The following ADGRL3 variants were observed in gnomAD, a reference collection of about 807,000 sequenced individuals.
The protein encoded by ADGRL3 is calcium-independent alpha-latrotoxin receptor 3.
ADGRL3 carries 62 observed loss-of-function variants against 153.5 expected under a neutral mutation model. That is an observed-to-expected ratio of 0.40 (90% CI 0.33 to 0.50). The LOEUF is 0.50. Ranked by LOEUF, ADGRL3 falls within the 20% of genes least tolerant of loss-of-function variation. ADGRL3 has a pLI of 0.47. For synonymous variants in ADGRL3, 710 were observed against 672.5 expected (o/e 1.06, Z -0.86); for missense variants, 1,641 against 1,859.4 (o/e 0.88, Z 2.16).
At chr4:61,760,569 G>A (rs2096899701) in intron 8 of ADGRL3, among the ~76,000 whole-genome samples, 1 of 152,202 alleles carries the variant, frequency 6.6e-6, no homozygotes, top group African/African-American at 2.4e-5. Flanking sequence ...CCCTTTCTTT[G>A]ACTAGGAAAG....
At chr4:61,823,521 A>G (rs2097774026) in intron 9 of ADGRL3, among the ~76,000 whole-genome samples, 1 of 152,162 alleles carries the variant, frequency 6.6e-6, no homozygotes, top group African/African-American at 2.4e-5. Flanking sequence ...TATTCTAAGC[A>G]CTTGACATGG....
At chr4:61,513,864 C>T (rs1181727426) in intron 3 of ADGRL3, among the ~76,000 whole-genome samples, 2 of 152,082 alleles carry the variant, frequency 1.3e-5, no homozygotes, top group Non-Finnish European at 2.9e-5. Context: ...AGCTTCCTGC[C>T]TCAGAGCCAA....
At chr4:61,912,862 A>G (rs2098728127) in intron 13 of ADGRL3, 105 bp downstream of exon 13, 7 of 1,084,824 alleles carry the variant, frequency 6.5e-6, no homozygotes, top group East Asian at 4.8e-5. Context: ...TACTGAAATA[A>G]AGGAATTTCA....
At chr4:61,740,289 AAAT>A (rs2096567239) in intron 8 of ADGRL3, among the ~76,000 whole-genome samples, 1 of 152,212 alleles carries the variant, frequency 6.6e-6, no homozygotes, top group Admixed American at 6.5e-5. Context: ...TAAAATGTTC[AAAT>A]AATACTCAGC....
At chr4:61,636,822 A>G (rs2093443215) in intron 5 of ADGRL3, among the ~76,000 whole-genome samples, 2 of 151,200 alleles carry the variant, frequency 1.3e-5, no homozygotes, top group Non-Finnish European at 3.0e-5. Flanking sequence ...TATATAATAA[A>G]TATACATATA....
intron 4 of ADGRL3, among the ~76,000 whole-genome samples, chr4:61,531,303 G>A (rs567516599): frequency 1.3e-5 from 2 of 152,158 alleles, no homozygotes; most frequent in South Asian, 4.2e-4. Context: ...TTCTGTTTTC[G>A]CCTAGTCTAA....
In ADGRL3 at chr4:61,517,476, G is replaced by A. The variant is rs756376964; in HGVS notation, c.217G>A (p.Val73Ile). ...AGGGCCCCGTGGAGCTACCAGAGGA[G>A]TTCGCGGTCCAGGTGCCCAAGGAGC... ...GQGPRGATRG[V>I]RGPGAQGAQI... Residue 73 changes from valine (V) to isoleucine (I), a missense_variant, in exon 4 of 27, where the codon GTT (valine) becomes ATT (isoleucine). Physicochemically the swap from Val to Ile is conservative, Grantham distance 29 (BLOSUM62 3). Transcript: ENST00000683033. 1.3e-6 allele frequency: 1 copy of A among 745,502 alleles called. No individual in the cohort carries two copies. The highest frequency in any genetic ancestry group is 1.5e-5 in the South Asian group (1 of 68,308). 46.2% of individuals were successfully genotyped at this position (745,502 alleles called of 1,614,324 possible). A position where few individuals can be genotyped will look rare whatever the true frequency, so the allele number is the denominator to read the frequency against.
intron 4 of ADGRL3, among the ~76,000 whole-genome samples, chr4:61,573,002 A>G (rs1339684346): frequency 2.0e-5 from 3 of 151,960 alleles, no homozygotes; most frequent in Non-Finnish European, 4.4e-5. Context: ...CACTTGTAAA[A>G]TAAGATTTAT....
At chr4:62,056,075 C>T (rs1170856302) in intron 25 of ADGRL3, among the ~76,000 whole-genome samples, 1 of 151,484 alleles carries the variant, frequency 6.6e-6, no homozygotes, top group Non-Finnish European at 1.5e-5. Context: ...TTGAAAATCA[C>T]AGATTTAAAT....
At chr4:61,547,921 T>A (rs1263999394) in intron 4 of ADGRL3, among the ~76,000 whole-genome samples, 1 of 152,156 alleles carries the variant, frequency 6.6e-6, no homozygotes, top group Non-Finnish European at 1.5e-5. Flanking sequence ...CATGTGTTAT[T>A]TTTTGACTTT....
At chr4:61,695,762 TTAGTG>T (rs2095631496) in intron 6 of ADGRL3, among the ~76,000 whole-genome samples, 1 of 152,196 alleles carries the variant, frequency 6.6e-6, no homozygotes, top group African/African-American at 2.4e-5. Flanking sequence ...AATTGGTTTT[TTAGTG>T]TAGTGTAGCG....
At chr4:61,578,456 AC>A (rs2098904710) in intron 4 of ADGRL3, among the ~76,000 whole-genome samples, 1 of 152,028 alleles carries the variant, frequency 6.6e-6, no homozygotes, top group Non-Finnish European at 1.5e-5. Flanking sequence ...CTTTCCTTTA[AC>A]CCTAATCTGT....
At chr4:61,471,785 C>T (rs1304014777) in intron 2 of ADGRL3, among the ~76,000 whole-genome samples, 5 of 151,902 alleles carry the variant, frequency 3.3e-5, no homozygotes, top group South Asian at 2.1e-4. Context: ...CAGAAATGGT[C>T]GATTAAGGTA....
chr4:62,005,950 A>G (rs907041583), intron 21 of ADGRL3, among the ~76,000 whole-genome samples: 3 of 134,806 alleles, frequency 2.2e-5, no homozygotes, highest in South Asian at 4.9e-4. Context: ...ATATATATAC[A>G]TACATATATA....
intron 9 of ADGRL3, among the ~76,000 whole-genome samples, chr4:61,831,313 C>T (rs2097865056): frequency 6.7e-6 from 1 of 148,430 alleles, no homozygotes; most frequent in Non-Finnish European, 1.5e-5. Flanking sequence ...TCATTAACTT[C>T]TCTGCCAGGC....
In ADGRL3 at chr4:61,935,995, G is replaced by T. The variant is rs767933352; in HGVS notation, c.2369G>T (p.Gly790Val). ...DLKFPENMGHGSTIQLSANTL... is the reference protein window; with the variant it reads ...DLKFPENMGHVSTIQLSANTL... ...AAATTTCCAGAAAACATGGGCCATG[G>T]AAGCACTATCCAGCTGTCTGCAAAT... Residue 790 changes from glycine (G) to valine (V), a missense_variant, in exon 15 of 27, where the codon GGA becomes GTA. Gly to Val is a moderately radical substitution (Grantham distance 109). Around this residue, in one of 5 missense-constraint regions of ADGRL3, gnomAD observed 734 missense variants for 797.0 expected, o/e 0.92. Transcript: ENST00000683033. 108 of 1,609,300 alleles carry T rather than the reference G, an allele frequency of 6.7e-5. No individual in the cohort carries two copies. Among genetic ancestry groups the T allele is most frequent in the Non-Finnish European group, 8.7e-5 (103 of 1,177,722 alleles).
At chr4:62,014,040 G>A (rs2099200032) in intron 21 of ADGRL3, among the ~76,000 whole-genome samples, 1 of 152,046 alleles carries the variant, frequency 6.6e-6, no homozygotes, top group South Asian at 2.1e-4. Flanking sequence ...GGTCATGGGG[G>A]AAGGTATGAA....
chr4:61,495,203 T>C (rs1424340374), intron 2 of ADGRL3, among the ~76,000 whole-genome samples: 5 of 152,176 alleles, frequency 3.3e-5, no homozygotes, highest in African/African-American at 1.2e-4. Context: ...ATGCGTGCTC[T>C]TAACTACCAT....
At chr4:61,378,756 G>A (rs1166409819) in intron 1 of ADGRL3, among the ~76,000 whole-genome samples, 3 of 151,934 alleles carry the variant, frequency 2.0e-5, no homozygotes, top group South Asian at 2.1e-4. Context: ...CAGTGCTTTT[G>A]TGGATTATTG....
Sources: allele counts gnomAD v4.1 joint callset (sites outside exome capture counted in the v4.1 genomes callset), GRCh38; gene constraint gnomAD v4.1.1; regional missense constraint gnomAD v4.1.1; transcripts MANE v1.5; gene names NCBI Gene and HGNC (gene_info 2026-07-23, HGNC 2026-07-21).